VPS13B: variants seen among roughly 807,000 people sequenced by gnomAD.
VPS13B encodes the protein intermembrane lipid transfer protein VPS13B.
VPS13B carries 285 observed loss-of-function variants against 426.4 expected under a neutral mutation model. That is an observed-to-expected ratio of 0.67 (90% CI 0.61 to 0.74). VPS13B has a LOEUF of 0.74. Among genes scored for constraint, VPS13B ranks in the 30% least tolerant of loss-of-function variants. The pLI, the probability that VPS13B is intolerant of heterozygous loss-of-function variation, is 0.00. For missense variants in VPS13B, 4,537 were observed against 4,782.6 expected (o/e 0.95, Z 1.51); for synonymous variants, 1,676 against 1,676.4 (o/e 1.00, Z 0.01).
chr8:99,510,997 T>A, intron 28 of VPS13B, 107 bp from the exon 29 acceptor site: 2 of 1,243,110 alleles, frequency 1.6e-6, no homozygotes, highest in South Asian at 1.3e-5. Context: ...AAGTGTAGGG[T>A]AAGACCAAGA....
At chr8:99,845,755 AT>A (rs1359014374) in intron 54 of VPS13B, among the ~76,000 whole-genome samples, 1 of 152,106 alleles carries the variant, frequency 6.6e-6, no homozygotes, top group Non-Finnish European at 1.5e-5. Flanking sequence ...GTCAACAAAT[AT>A]TTTTTTAAGG....
At chr8:99,118,835 A>G (rs1847802682) in intron 7 of VPS13B, among the ~76,000 whole-genome samples, 2 of 152,178 alleles carry the variant, frequency 1.3e-5, no homozygotes, top group Admixed American at 6.6e-5. Flanking sequence ...TTTGGCTATT[A>G]TAAATAAAGC....
chr8:99,120,479 G>T (rs969249287), intron 7 of VPS13B: 2 of 152,108 alleles, frequency 1.3e-5, no homozygotes, highest in Non-Finnish European at 2.9e-5. Context: ...AAATTAAAGA[G>T]TAGTTGGAAT....
At chr8:99,427,474 G>T (rs1816788624) in intron 21 of VPS13B, among the ~76,000 whole-genome samples, 1 of 151,372 alleles carries the variant, frequency 6.6e-6, no homozygotes, top group East Asian at 2.0e-4. Flanking sequence ...GCTTGATGGG[G>T]ATTCTTATAC....
chr8:99,407,210 CA>C (rs1442539228), intron 21 of VPS13B, among the ~76,000 whole-genome samples: 1 of 151,986 alleles, frequency 6.6e-6, no homozygotes, highest in Non-Finnish European at 1.5e-5. Context: ...GCCAGGGAAA[CA>C]AAGAAGAAAG....
At chr8:99,197,931 A>G (rs1279527955) in intron 17 of VPS13B, among the ~76,000 whole-genome samples, 1 of 152,108 alleles carries the variant, frequency 6.6e-6, no homozygotes, top group East Asian at 1.9e-4. Flanking sequence ...GTTGTGATGG[A>G]TTCACAACCT....
intron 22 of VPS13B, 100 bp from the exon 23 acceptor site, chr8:99,442,301 A>T (rs2133440204): frequency 2.1e-6 from 2 of 969,020 alleles, no homozygotes; most frequent in East Asian, 5.1e-5. Context: ...TAAATATGGA[A>T]CATTTACTTT....
At chr8:99,507,903 T>C (rs1325275441) in intron 28 of VPS13B, 1 of 1,614,062 alleles carries the variant, frequency 6.2e-7, no homozygotes. Flanking sequence ...CTCTGGCTTC[T>C]TTCCTTCTGT....
intron 17 of VPS13B, among the ~76,000 whole-genome samples, chr8:99,239,843 C>T (rs1816828596): frequency 6.6e-6 from 1 of 152,076 alleles, no homozygotes; most frequent in Non-Finnish European, 1.5e-5. Flanking sequence ...AATTTAAAGA[C>T]ATTAAATAAT....
chr8:99,086,498 G>T (rs561694619), intron 3 of VPS13B, among the ~76,000 whole-genome samples: 1 of 152,292 alleles, frequency 6.6e-6, no homozygotes, highest in Admixed American at 6.5e-5. Context: ...TCCATTGCTG[G>T]TGAGGAGCTG....
intron 30 of VPS13B, among the ~76,000 whole-genome samples, chr8:99,555,571 A>G (rs191275409): frequency 6.6e-6 from 1 of 152,216 alleles, no homozygotes; most frequent in East Asian, 1.9e-4. Context: ...CATCTACTTT[A>G]AAACTTTTCT....
chr8:99,692,648 G>A (rs2130101158), intron 35 of VPS13B, among the ~76,000 whole-genome samples: 1 of 127,670 alleles, frequency 7.8e-6, no homozygotes, highest in Non-Finnish European at 1.6e-5. Context: ...AAAAGCAAGA[G>A]CAAACACATT....
At chr8:99,864,719 T>G (rs1371533008) in intron 58 of VPS13B, among the ~76,000 whole-genome samples, 1 of 152,212 alleles carries the variant, frequency 6.6e-6, no homozygotes, top group Non-Finnish European at 1.5e-5. Context: ...AGGTGTCATC[T>G]TATTTGATCT....
intron 35 of VPS13B, among the ~76,000 whole-genome samples, chr8:99,682,246 CTTGAGACCAGGAGT>C (rs1402475042): frequency 2.0e-5 from 3 of 152,100 alleles, no homozygotes; most frequent in Non-Finnish European, 4.4e-5. Context: ...GGGTGGATTG[CTTGAGACCAGGAGT>C]TTGAGACCAA....
At chr8:99,581,057 C>A (rs555629253) in intron 33 of VPS13B, among the ~76,000 whole-genome samples, 1 of 148,730 alleles carries the variant, frequency 6.7e-6, no homozygotes, top group Non-Finnish European at 1.5e-5. Flanking sequence ...GTGGCATGTG[C>A]CTTTAGTCTC....
intron 21 of VPS13B, 92 bp from the exon 22 acceptor site, chr8:99,431,445 A>T: frequency 1.4e-6 from 2 of 1,467,632 alleles, no homozygotes; most frequent in Non-Finnish European, 1.9e-6. Context: ...AATTTTAAGC[A>T]AGGAAAGAAA....
At chr8:99,234,578 T>C (rs1024391895) in intron 17 of VPS13B, 1 of 415,200 alleles carries the variant, frequency 2.4e-6, no homozygotes, top group Non-Finnish European at 4.6e-6. Context: ...GGAGCAGAGC[T>C]TGTGCTGGCG....
chr8:99,351,433 A>AGTGT (rs1170377671), intron 19 of VPS13B, among the ~76,000 whole-genome samples: 369 of 143,970 alleles, frequency 2.6e-3, no homozygotes, highest in African/African-American at 9.0e-3. Flanking sequence ...AGAGAGAGAG[A>AGTGT]GAGTGTGTGT....
chr8:99,146,613 C>T (rs1471523459), intron 13 of VPS13B, among the ~76,000 whole-genome samples: 1 of 152,162 alleles, frequency 6.6e-6, no homozygotes, highest in Admixed American at 6.5e-5. Flanking sequence ...CACTTTGTCA[C>T]CTAGGCTGAA....
Sources: allele counts gnomAD v4.1 joint callset (sites outside exome capture counted in the v4.1 genomes callset), GRCh38; gene constraint gnomAD v4.1.1; transcripts MANE v1.5; gene names NCBI Gene and HGNC (gene_info 2026-07-23, HGNC 2026-07-21).